The following SRPK2 variants were observed in gnomAD, a reference collection of about 807,000 sequenced individuals.
SRPK2 encodes SFRS protein kinase 2.
Under a neutral mutation model 90.8 loss-of-function variants are expected in SRPK2, and 21 were observed. The ratio of observed to expected loss-of-function variants is 0.23; its 90% CI spans 0.16 to 0.33. SRPK2 has a LOEUF of 0.33. Among genes scored for constraint, SRPK2 ranks in the 10% least tolerant of loss-of-function variants. The pLI is 1.00. For synonymous variants in SRPK2, 288 were observed against 311.1 expected (o/e 0.93, Z 0.78); for missense variants, 620 against 869.0 (o/e 0.71, Z 3.60).
At chr7:105,224,498 A>T (rs1798479805) in intron 2 of SRPK2, among the ~76,000 whole-genome samples, 1 of 152,088 alleles carries the variant, frequency 6.6e-6, no homozygotes. Context: ...AATCCCAGCT[A>T]CTTGGGAGGC....
intron 2 of SRPK2, among the ~76,000 whole-genome samples, chr7:105,289,750 T>C (rs1808703883): frequency 6.6e-6 from 1 of 152,198 alleles, no homozygotes; most frequent in Non-Finnish European, 1.5e-5. Flanking sequence ...AAATTTTTCC[T>C]TTGCATTCAT....
chr7:105,142,297 GTCTTCTTCATCA>G lies in SRPK2; in HGVS notation c.1242_1253del (p.Asp415_Asp418del), dbSNP rs1255187517. On this transcript the variant is annotated inframe_deletion, in exon 11 of 16. Coordinates refer to ENST00000393651, the MANE Select transcript of SRPK2 (RefSeq NM_182692.3). ...GATTATATTCCTCAGGATTTGGGCA[GTCTTCTTCATCA>G]TCATCTTCATCGTCCAGTTGCTGCT... 6.2e-7 allele frequency: 1 copy of G among 1,614,170 alleles called. No homozygotes were observed. The highest frequency in any genetic ancestry group is 1.1e-5 in the South Asian group (1 of 91,086).
chr7:105,378,968 G>A (rs1036961736), intron 2 of SRPK2, among the ~76,000 whole-genome samples: 8 of 151,488 alleles, frequency 5.3e-5, no homozygotes, highest in Admixed American at 6.6e-5. Context: ...TTGAGCCTGG[G>A]CAACATAGGG....
intron 6 of SRPK2, among the ~76,000 whole-genome samples, chr7:105,164,286 A>C (rs1172012097): frequency 2.6e-5 from 4 of 152,218 alleles, no homozygotes; most frequent in Non-Finnish European, 5.9e-5. Context: ...AAAGTCAGTG[A>C]ATGCTTTAGC....
intron 2 of SRPK2, among the ~76,000 whole-genome samples, chr7:105,272,966 G>A (rs753857351): frequency 7.2e-5 from 11 of 152,092 alleles, no homozygotes; most frequent in Non-Finnish European, 1.5e-4. Flanking sequence ...TGTAATCCCA[G>A]CACCTTGGGA....
chr7:105,353,509 G>A (rs953841760), intron 2 of SRPK2, among the ~76,000 whole-genome samples: 17 of 144,834 alleles, frequency 1.2e-4, no homozygotes, highest in Non-Finnish European at 1.1e-4. Context: ...CCAGTTTGTT[G>A]TTGTTGTTGT....
intron 2 of SRPK2, among the ~76,000 whole-genome samples, chr7:105,355,706 T>A (rs1817705087): frequency 6.6e-6 from 1 of 151,802 alleles, no homozygotes; most frequent in African/African-American, 2.4e-5. Flanking sequence ...TAACTAAACG[T>A]CAAGCAGGCA....
chr7:105,344,049 C>T (rs1318758501), intron 2 of SRPK2, among the ~76,000 whole-genome samples: 1 of 152,128 alleles, frequency 6.6e-6, no homozygotes, highest in Non-Finnish European at 1.5e-5. Context: ...TAGGTGCGAG[C>T]GACCACGCCT....
At chr7:105,128,993 C>T (rs992318143) in intron 13 of SRPK2, among the ~76,000 whole-genome samples, 3 of 152,126 alleles carry the variant, frequency 2.0e-5, no homozygotes, top group Non-Finnish European at 2.9e-5. Context: ...TTTTTTGAGA[C>T]GGAGTCTCGC....
intron 3 of SRPK2, among the ~76,000 whole-genome samples, chr7:105,186,610 C>T (rs1793614045): frequency 6.6e-6 from 1 of 152,160 alleles, no homozygotes; most frequent in South Asian, 2.1e-4. Flanking sequence ...ACAGTATCTC[C>T]CCAACTACCT....
upstream of SRPK2, chr7:105,399,316 C>T (rs1822405317): frequency 6.6e-6 from 1 of 152,150 alleles, no homozygotes; most frequent in African/African-American, 2.4e-5. Context: ...ACTGCACGGA[C>T]CCCTTCATAG....
intron 2 of SRPK2, among the ~76,000 whole-genome samples, chr7:105,323,703 T>C (rs1223290460): frequency 1.3e-5 from 2 of 152,044 alleles, no homozygotes; most frequent in African/African-American, 4.8e-5. Context: ...CCTTTTAGAG[T>C]GAATATTCTA....
At chr7:105,158,036 G>A (rs1300522390) in intron 7 of SRPK2, among the ~76,000 whole-genome samples, 1 of 152,160 alleles carries the variant, frequency 6.6e-6, no homozygotes, top group Non-Finnish European at 1.5e-5. Flanking sequence ...GTGCACTCCA[G>A]CCTGGGTAAC....
chr7:105,274,422 C>T (rs938009747), intron 2 of SRPK2, among the ~76,000 whole-genome samples: 6 of 151,914 alleles, frequency 3.9e-5, no homozygotes, highest in Admixed American at 2.0e-4. Flanking sequence ...ATTAGCCTGG[C>T]GTGGTGGCAG....
Position 105,130,207 on chromosome 7 carries a change from G to A in SRPK2, c.1752+2584C>T, listed in dbSNP as rs763587446. Among the ~76,000 whole-genome samples the A allele has an allele frequency of 3.7e-4, 56 of 152,184 alleles. No individual in the cohort carries two copies. In the Middle Eastern group the frequency reaches 0.01, roughly 28 times the overall value. ...TGACAATAGCCAATGGCTACCACCC[G>A]TCAGCTCTCATTCCCAACAGAGTCT... On this transcript the variant is annotated intron_variant, in intron 13 of 15. Transcript: ENST00000393651.
chr7:105,364,750 A>G (rs1258454342), intron 2 of SRPK2, among the ~76,000 whole-genome samples: 2 of 151,994 alleles, frequency 1.3e-5, no homozygotes, highest in Middle Eastern at 3.2e-3. Flanking sequence ...TAAATTAGAG[A>G]CATTGTGTTT....
intron 2 of SRPK2, among the ~76,000 whole-genome samples, chr7:105,387,093 A>C (rs1821698226): frequency 1.3e-5 from 2 of 152,242 alleles, no homozygotes; most frequent in Non-Finnish European, 2.9e-5. Context: ...TTCCACATGT[A>C]CGTAAAGGTA....
At chr7:105,278,234 T>C (rs538158855) in intron 2 of SRPK2, among the ~76,000 whole-genome samples, 10 of 151,710 alleles carry the variant, frequency 6.6e-5, no homozygotes, top group African/African-American at 2.4e-4. Context: ...GAGAATAGCT[T>C]GAACCCGGAG....
chr7:105,255,575 T>G (rs1314862687), intron 2 of SRPK2, among the ~76,000 whole-genome samples: 1 of 152,198 alleles, frequency 6.6e-6, no homozygotes, highest in Non-Finnish European at 1.5e-5. Context: ...TTATAAAGCT[T>G]AAGTTCTACC....
Sources: gnomAD v4.1 joint callset for allele counts (sites outside exome capture counted in the v4.1 genomes callset) on GRCh38, gnomAD v4.1.1 for gene constraint, MANE v1.5 for transcripts, NCBI Gene and HGNC (gene_info 2026-07-23, HGNC 2026-07-21) for gene names.